RORA: variants seen among roughly 807,000 people sequenced by gnomAD.
RORA encodes the protein nuclear receptor ROR-alpha.
A neutral mutation model predicts 69.5 loss-of-function variants in RORA; 7 were observed. That is an observed-to-expected ratio of 0.10 (90% CI 0.06 to 0.19). RORA has a LOEUF of 0.19. RORA is among the 10% of genes least tolerant of loss of function. RORA has a pLI of 1.00. For missense variants in RORA, 457 were observed against 663.0 expected, an observed-to-expected ratio of 0.69 and a Z score of 3.41; for synonymous variants, 261 against 240.8, an observed-to-expected ratio of 1.08 and a Z score of -0.78.
intron 2 of RORA, among the ~76,000 whole-genome samples, chr15:60,585,193 T>C (rs1175987622): frequency 6.6e-6 from 1 of 152,228 alleles, no homozygotes; most frequent in East Asian, 1.9e-4. Context: ...TCTATATTCA[T>C]TCCTCAGATT....
At chr15:61,192,174 G>A (rs1001134951) in intron 1 of RORA, among the ~76,000 whole-genome samples, 1 of 152,254 alleles carries the variant, frequency 6.6e-6, no homozygotes, top group Admixed American at 6.5e-5. Context: ...GAAGGGTGGT[G>A]TGAATAATGC....
chr15:60,996,239 T>G (rs1252046151), intron 1 of RORA, among the ~76,000 whole-genome samples: 1 of 151,952 alleles, frequency 6.6e-6, no homozygotes, highest in Non-Finnish European at 1.5e-5. Context: ...CCCAGCTAAT[T>G]TTTGTATTTT....
At chr15:60,561,020 TGTAA>T (rs771940144) in intron 2 of RORA, among the ~76,000 whole-genome samples, 12 of 152,006 alleles carry the variant, frequency 7.9e-5, no homozygotes, top group East Asian at 7.7e-4. Context: ...TGTTTTAAAA[TGTAA>T]GTGTTTTTAT....
At chr15:61,161,703 A>T (rs2140884049) in intron 1 of RORA, among the ~76,000 whole-genome samples, 1 of 152,262 alleles carries the variant, frequency 6.6e-6, no homozygotes, top group South Asian at 2.1e-4. Context: ...ACAGCAAGCA[A>T]CTTAGATTGT....
intron 1 of RORA, among the ~76,000 whole-genome samples, chr15:60,957,734 G>T (rs192203765): frequency 1.3e-5 from 2 of 152,268 alleles, no homozygotes; most frequent in South Asian, 2.1e-4. Context: ...CTAGAGAAAG[G>T]GGGGACAGTA....
At chr15:60,662,584 T>C (rs1396437543) in intron 2 of RORA, among the ~76,000 whole-genome samples, 1 of 152,182 alleles carries the variant, frequency 6.6e-6, no homozygotes, top group Non-Finnish European at 1.5e-5. Context: ...CACACACATA[T>C]GATTTATAAT....
At chr15:60,625,694 C>A (rs2069557523) in intron 2 of RORA, among the ~76,000 whole-genome samples, 1 of 152,280 alleles carries the variant, frequency 6.6e-6, no homozygotes, top group South Asian at 2.1e-4. Flanking sequence ...TTGAAAAAAT[C>A]AAGATGCAGA....
chr15:61,028,742 C>A (rs1324136561), intron 1 of RORA, among the ~76,000 whole-genome samples: 1 of 152,190 alleles, frequency 6.6e-6, no homozygotes, highest in African/African-American at 2.4e-5. Context: ...TGTCTATCAA[C>A]TGATGCGTGG....
chr15:60,561,063 T>G (rs1188421408), intron 2 of RORA, among the ~76,000 whole-genome samples: 1 of 140,022 alleles, frequency 7.1e-6, no homozygotes, highest in African/African-American at 3.1e-5. Flanking sequence ...TGTGTTTTTT[T>G]TTTTTTTGTT....
chr15:61,214,542 T>A (rs775594888), intron 1 of RORA, among the ~76,000 whole-genome samples: 4 of 152,232 alleles, frequency 2.6e-5, no homozygotes, highest in Admixed American at 6.5e-5. Flanking sequence ...CAAGTCTTTC[T>A]GAGGTTCTAG....
At chr15:61,133,481 C>A (rs2079210055) in intron 1 of RORA, among the ~76,000 whole-genome samples, 1 of 152,110 alleles carries the variant, frequency 6.6e-6, no homozygotes, top group Admixed American at 6.5e-5. Flanking sequence ...TCTGGAGAAG[C>A]ATCTATGAGG....
chr15:60,558,494 T>A, intron 2 of RORA: 1 of 508,854 alleles, frequency 2.0e-6, no homozygotes, highest in Middle Eastern at 5.0e-4. Context: ...GGCAGTCCTG[T>A]TAACTAAGAC....
intron 1 of RORA, among the ~76,000 whole-genome samples, chr15:60,974,877 A>G: frequency 6.6e-6 from 1 of 152,324 alleles, no homozygotes; most frequent in East Asian, 1.9e-4. Flanking sequence ...CAGTGAAGAA[A>G]GGGAGGTGGC....
chr15:61,025,266 C>G (rs543870972), intron 1 of RORA, among the ~76,000 whole-genome samples: 1 of 152,354 alleles, frequency 6.6e-6, no homozygotes, highest in South Asian at 2.1e-4. Flanking sequence ...TAAAACACGT[C>G]TCTGTCCACG....
At chr15:60,637,249 TAG>T (rs2069857796) in intron 2 of RORA, among the ~76,000 whole-genome samples, 1 of 152,146 alleles carries the variant, frequency 6.6e-6, no homozygotes, top group East Asian at 1.9e-4. Flanking sequence ...GCTATCTTGT[TAG>T]GCCTCTGATA....
chr15:60,498,808 C>T (rs1032465650), intron 10 of RORA, among the ~76,000 whole-genome samples: 7 of 148,222 alleles, frequency 4.7e-5, no homozygotes, highest in Non-Finnish European at 1.0e-4. Context: ...AAAAGCAAAA[C>T]AGCAATTAAC....
At chr15:60,631,993 A>G (rs1235099900) in intron 2 of RORA, among the ~76,000 whole-genome samples, 1 of 152,260 alleles carries the variant, frequency 6.6e-6, no homozygotes, top group Non-Finnish European at 1.5e-5. Flanking sequence ...TAAGAACCCA[A>G]TAATCTAAAT....
intron 1 of RORA, among the ~76,000 whole-genome samples, chr15:61,171,325 C>CT (rs1177578296): frequency 2.0e-5 from 3 of 152,160 alleles, no homozygotes; most frequent in African/African-American, 7.2e-5. Context: ...GGCCTAAGTG[C>CT]TTCTGGGGCA....
chr15:60,674,876 G>T (rs1647988), intron 2 of RORA, among the ~76,000 whole-genome samples: 29,188 of 152,052 alleles, frequency 0.19, 3,169 homozygotes, highest in African/African-American at 0.28. Flanking sequence ...GAGAAAGCAG[G>T]CAGGGCAGGC....
Sources: allele counts gnomAD v4.1 joint callset (sites outside exome capture counted in the v4.1 genomes callset), GRCh38; gene constraint gnomAD v4.1.1; transcripts MANE v1.5; gene names NCBI Gene and HGNC (gene_info 2026-07-23, HGNC 2026-07-21).